EGFR: variants seen among roughly 807,000 people sequenced by gnomAD.
The protein encoded by EGFR is epidermal growth factor receptor.
In EGFR, 58 loss-of-function variants were observed where a neutral mutation model predicts 143.0. That is an observed-to-expected ratio of 0.41 (90% CI 0.33 to 0.50). The LOEUF (loss-of-function observed/expected upper bound fraction) is 0.50. Among genes scored for constraint, EGFR ranks in the 20% least tolerant of loss-of-function variants. EGFR has a pLI of 0.39. For synonymous variants in EGFR, 613 were observed against 594.4 expected, an observed-to-expected ratio of 1.03 and a Z score of -0.45; for missense variants, 1,307 against 1,579.0, an observed-to-expected ratio of 0.83 and a Z score of 2.92.
intron 1 of EGFR, among the ~76,000 whole-genome samples, chr7:55,111,779 G>A (rs879508372): frequency 1.2e-4 from 19 of 152,306 alleles, no homozygotes; most frequent in Non-Finnish European, 2.2e-4. Flanking sequence ...GATAAATGAC[G>A]TGTAAATACC....
chr7:55,079,014 C>G (rs767732242), intron 1 of EGFR, among the ~76,000 whole-genome samples: 1 of 152,160 alleles, frequency 6.6e-6, no homozygotes, highest in African/African-American at 2.4e-5. Flanking sequence ...GAAAAGAGAA[C>G]GTAAGTTCAG....
chr7:55,019,333 G>T lies in EGFR; in HGVS notation c.56G>T (p.Cys19Phe). ...AALLALLAAL[C>F]PASRALEEKK... ...CTCCTGGCGCTGCTGGCTGCGCTCTGCCCGGCGAGTCGGGCTCTGGAGGAA... is the reference window on the plus strand; with the variant it reads ...CTCCTGGCGCTGCTGGCTGCGCTCTTCCCGGCGAGTCGGGCTCTGGAGGAA... The change falls in exon 1 of 28, where the codon TGC becomes TTC. Residue 19 changes from cysteine to phenylalanine, a missense_variant. Physicochemically the swap from Cys to Phe is radical, Grantham distance 205. This residue lies in a region of EGFR where 65 missense variants were observed against 37.8 expected (regional missense o/e 1.72). Coordinates refer to ENST00000275493, the MANE Select transcript of EGFR (RefSeq NM_005228.5). 1 of 1,520,850 alleles carries T rather than the reference G, an allele frequency of 6.6e-7. No individual in the cohort carries two copies. The allele number at this position is 1,520,850 out of a possible 1,614,324, so 94.2% of individuals were successfully genotyped here. A position where few individuals can be genotyped will look rare whatever the true frequency, so the allele number is the denominator to read the frequency against.
intron 1 of EGFR, among the ~76,000 whole-genome samples, chr7:55,024,515 G>A (rs975784902): frequency 6.6e-6 from 1 of 152,182 alleles, no homozygotes; most frequent in African/African-American, 2.4e-5. Flanking sequence ...AGGGGACAAG[G>A]CACCCAATGA....
intron 1 of EGFR, among the ~76,000 whole-genome samples, chr7:55,076,717 T>C (rs191626055): frequency 6.6e-6 from 1 of 152,316 alleles, no homozygotes; most frequent in East Asian, 1.9e-4. Context: ...TTCTTTCCCT[T>C]TGAACTTCAT....
At chr7:55,108,876 C>T (rs1436240929) in intron 1 of EGFR, among the ~76,000 whole-genome samples, 3 of 152,196 alleles carry the variant, frequency 2.0e-5, no homozygotes, top group African/African-American at 4.8e-5. Flanking sequence ...GATTTGAACT[C>T]CACAAACATG....
chr7:55,201,389 C>T (rs2128971885), intron 25 of EGFR, 34 bp downstream of exon 25: 1 of 1,613,570 alleles, frequency 6.2e-7, no homozygotes, highest in African/African-American at 1.3e-5. Context: ...CTCTCTCAAG[C>T]TGTGTCTACT....
chr7:55,067,430 C>T (rs950424501), intron 1 of EGFR, among the ~76,000 whole-genome samples: 6 of 151,352 alleles, frequency 4.0e-5, no homozygotes, highest in African/African-American at 1.5e-4. Context: ...CTGGGAAAGC[C>T]CCAACAAGTT....
intron 1 of EGFR, among the ~76,000 whole-genome samples, chr7:55,038,337 G>A (rs968005645): frequency 2.6e-5 from 4 of 152,150 alleles, no homozygotes; most frequent in African/African-American, 9.7e-5. Flanking sequence ...CTTTGGAGGA[G>A]TCTCACCCTG....
intron 1 of EGFR, among the ~76,000 whole-genome samples, chr7:55,019,624 C>T (rs1786406822): frequency 6.6e-6 from 1 of 152,094 alleles, no homozygotes; most frequent in African/African-American, 2.4e-5. Flanking sequence ...GGAACGGCCG[C>T]CGGGACCTCC....
chr7:55,205,112 C>T (rs1583664885), intron 27 of EGFR, 144 bp from the exon 28 acceptor site: 1 of 1,248,890 alleles, frequency 8.0e-7, no homozygotes, highest in African/African-American at 1.5e-5. Flanking sequence ...TCTTTTGCAG[C>T]AACAGCAAGA....
chr7:55,133,559 T>C (rs796335801), intron 1 of EGFR, among the ~76,000 whole-genome samples: 11 of 152,346 alleles, frequency 7.2e-5, no homozygotes, highest in African/African-American at 2.4e-4. Flanking sequence ...TTAGGAATTC[T>C]GTATCTCCCC....
At chr7:55,124,571 A>G (rs977219818) in intron 1 of EGFR, among the ~76,000 whole-genome samples, 2 of 152,180 alleles carry the variant, frequency 1.3e-5, no homozygotes, top group Admixed American at 6.5e-5. Flanking sequence ...GCAAGTTTAG[A>G]TGGGGCATAA....
At chr7:55,199,653 G>A (rs1334475305) in intron 23 of EGFR, among the ~76,000 whole-genome samples, 2 of 152,164 alleles carry the variant, frequency 1.3e-5, no homozygotes, top group Non-Finnish European at 2.9e-5. Flanking sequence ...TCCCTCAAGA[G>A]GCATGAGGAT....
Position 55,208,999 on chromosome 7 carries a change from G to A in EGFR, c.*3382G>A, listed in dbSNP as rs1388753998. The A allele has an allele frequency of 6.6e-6, 1 of 152,106 alleles. No homozygotes were observed. The highest frequency in any genetic ancestry group is 1.5e-5 in the Non-Finnish European group (1 of 68,008). The allele number at this position is 152,106 out of a possible 1,614,324, so 9.4% of individuals were successfully genotyped here. On this transcript the variant is annotated 3_prime_UTR_variant, in exon 28 of 28. Coordinates refer to ENST00000275493, the MANE Select transcript of EGFR (RefSeq NM_005228.5). ...GTGGGATCTACTTGGCACTCGCTGG[G>A]GGGCCACCCCCCAGTGCCACTCTCA... is the stretch of plus-strand genomic sequence containing the variant.
intron 15 of EGFR, chr7:55,170,653 CT>C (rs1201454647): frequency 1.9e-6 from 3 of 1,597,278 alleles, no homozygotes; most frequent in Non-Finnish European, 1.7e-6. Flanking sequence ...CTTCCACTCC[CT>C]TTGCCAGTGC....
At chr7:55,084,885 G>A (rs923205508) in intron 1 of EGFR, among the ~76,000 whole-genome samples, 4 of 152,160 alleles carry the variant, frequency 2.6e-5, no homozygotes, top group African/African-American at 9.7e-5. Flanking sequence ...GGGCTCACCT[G>A]CTGTCTTCTG....
Position 55,084,958 on chromosome 7 carries a change from G to A in EGFR, c.89-57328G>A, listed in dbSNP as rs907206873. ...GTGATCTTCCATAGTCAGGCATATT[G>A]TCACACTCAGTGAGCGGAGAGTCAA... On this transcript the variant is annotated intron_variant, in intron 1 of 27. Coordinates refer to ENST00000275493, the MANE Select transcript of EGFR (RefSeq NM_005228.5). Among the ~76,000 whole-genome samples, 4 of 152,102 alleles carry A rather than the reference G, an allele frequency of 2.6e-5. No homozygotes were observed. The East Asian group carries it at 5.8e-4, about 22-fold the overall frequency.
intron 1 of EGFR, among the ~76,000 whole-genome samples, chr7:55,116,087 C>T (rs560963322): frequency 6.6e-6 from 1 of 152,310 alleles, no homozygotes; most frequent in South Asian, 2.1e-4. Context: ...ATTTTAATAC[C>T]TGAAAACATG....
chr7:55,089,897 T>A (rs929774673), intron 1 of EGFR, among the ~76,000 whole-genome samples: 2 of 152,204 alleles, frequency 1.3e-5, no homozygotes, highest in African/African-American at 2.4e-5. Context: ...CTCAAAGGAC[T>A]CATTCAGTTC....
Sources: gnomAD v4.1 joint callset for allele counts (sites outside exome capture counted in the v4.1 genomes callset) on GRCh38, gnomAD v4.1.1 for gene constraint, gnomAD v4.1.1 regional missense constraint, MANE v1.5 for transcripts, NCBI Gene and HGNC (gene_info 2026-07-23, HGNC 2026-07-21) for gene names.